Variants in TP53BP1 observed in about 807,000 individuals in gnomAD.
TP53BP1 encodes the protein tumor protein p53 binding protein 1.
A neutral mutation model predicts 200.8 loss-of-function variants in TP53BP1; 61 were observed. That is an observed-to-expected ratio of 0.30 (90% CI 0.25 to 0.38). The LOEUF is 0.38. Among genes scored for constraint, TP53BP1 ranks in the 10% least tolerant of loss-of-function variants. The pLI, the probability that TP53BP1 is intolerant of heterozygous loss-of-function variation, is 1.00. For missense variants in TP53BP1, 2,144 were observed against 2,371.9 expected (o/e 0.90, Z 2.00); for synonymous variants, 822 against 844.3 (o/e 0.97, Z 0.46).
At chr15:43,468,769 G>A (rs761837658) in intron 11 of TP53BP1, among the ~76,000 whole-genome samples, 1 of 152,174 alleles carries the variant, frequency 6.6e-6, no homozygotes, top group Non-Finnish European at 1.5e-5. Context: ...TGACTGATGA[G>A]CAAACTAAGA....
chr15:43,472,646 T>C (rs999387473), intron 10 of TP53BP1, among the ~76,000 whole-genome samples: 11 of 152,212 alleles, frequency 7.2e-5, no homozygotes, highest in South Asian at 2.1e-4. Context: ...CAAGAAACAA[T>C]TGCTGGTTCC....
intron 12 of TP53BP1, among the ~76,000 whole-genome samples, chr15:43,452,725 C>T (rs959583990): frequency 6.6e-6 from 1 of 152,046 alleles, no homozygotes; most frequent in Non-Finnish European, 1.5e-5. Flanking sequence ...ATGAAATAAA[C>T]ACGAAATCAC....
intron 12 of TP53BP1, among the ~76,000 whole-genome samples, chr15:43,451,478 T>A (rs1368403968): frequency 6.6e-6 from 1 of 152,130 alleles, no homozygotes; most frequent in East Asian, 1.9e-4. Flanking sequence ...AATGATGATT[T>A]CCAATTTCAT....
intron 24 of TP53BP1, among the ~76,000 whole-genome samples, chr15:43,410,485 T>G (rs1402523813): frequency 2.0e-5 from 3 of 152,080 alleles, no homozygotes; most frequent in Admixed American, 6.6e-5. Context: ...AGAAATTGCT[T>G]CTTTTGACCA....
At chr15:43,430,428 A>G (rs1022153979) in intron 17 of TP53BP1, among the ~76,000 whole-genome samples, 4 of 149,690 alleles carry the variant, frequency 2.7e-5, no homozygotes, top group African/African-American at 9.7e-5. Flanking sequence ...TAAAATCTGC[A>G]TAACATAAAA....
rs1443643397 is a variant in TP53BP1, at chr15:43,413,098, C to T, written c.5305+21G>A. On this transcript the variant is annotated intron_variant, in intron 24 of 27. Transcript: ENST00000382044. The stretch of plus-strand genomic sequence containing the variant: ...AGAAGTGCCTATGTGTCAGAGCTCC[C>T]AGGGCTTCCTAAGGCCTTACCCTCC... 3 of 1,613,004 alleles carry T rather than the reference C, an allele frequency of 1.9e-6. No homozygotes were observed. The East Asian group carries it at 6.7e-5, about 36-fold the overall frequency.
At chr15:43,510,203 C>T (rs1326966837) in intron 1 of TP53BP1, among the ~76,000 whole-genome samples, 1 of 151,946 alleles carries the variant, frequency 6.6e-6, no homozygotes, top group African/African-American at 2.4e-5. Context: ...ACAACAGTCT[C>T]CTGAGGGAGA....
chr15:43,481,872 C>T (rs1446036538), intron 4 of TP53BP1, among the ~76,000 whole-genome samples: 1 of 150,564 alleles, frequency 6.6e-6, no homozygotes, highest in Admixed American at 6.6e-5. Context: ...TGCAGTAGCA[C>T]GATCACAGCT....
In TP53BP1 at chr15:43,456,382, T is replaced by A. The variant is rs150423877; in HGVS notation, c.2226A>T (p.Glu742Asp). The A allele has an allele frequency of 4.0e-4, 644 of 1,606,524 alleles. No individual in the cohort carries two copies. The highest frequency in any genetic ancestry group is 3.2e-3 in the Middle Eastern group (19 of 6,028). Residue 742 changes from glutamate to aspartate, a missense_variant, in exon 12 of 28, where the codon GAA becomes GAT. Glu to Asp is a conservative substitution (Grantham distance 45). This residue lies in a region of TP53BP1 where 1,700 missense variants were observed against 1,710.3 expected (regional missense o/e 0.99). Transcript: ENST00000382044. The part of the protein sequence containing the change: ...SPQKLAILDQ[E>D]LEHKEQEAWE... ...AAGCTTCCTGTTCCTTATGTTCCAA[T>A]TCTTGGTCAAGTATTGCCAACTTTT...
chr15:43,427,702 T>A (rs1006082089), intron 18 of TP53BP1, among the ~76,000 whole-genome samples: 3 of 152,154 alleles, frequency 2.0e-5, no homozygotes, highest in African/African-American at 7.2e-5. Context: ...ATGCCTGTAA[T>A]CCCAGCACTT....
At chr15:43,492,133 G>T in intron 2 of TP53BP1, 38 bp from the exon 3 acceptor site, 1 of 1,548,742 alleles carries the variant, frequency 6.5e-7, no homozygotes, top group Middle Eastern at 1.7e-4. Flanking sequence ...CATTATATAT[G>T]AAATAGTTCA....
chr15:43,441,070 C>T (rs2045915274), intron 15 of TP53BP1, among the ~76,000 whole-genome samples: 1 of 152,144 alleles, frequency 6.6e-6, no homozygotes, highest in South Asian at 2.1e-4. Context: ...TTACAACATC[C>T]ATGACAAAGC....
chr15:43,481,180 A>G (rs1395775666), intron 4 of TP53BP1, among the ~76,000 whole-genome samples, 158 bp from the exon 5 acceptor site: 1 of 152,198 alleles, frequency 6.6e-6, no homozygotes, highest in Non-Finnish European at 1.5e-5. Flanking sequence ...AAAGCACCTA[A>G]AAGATTAACA....
chr15:43,451,270 G>A (rs1045354830), intron 12 of TP53BP1, among the ~76,000 whole-genome samples: 3 of 151,734 alleles, frequency 2.0e-5, no homozygotes, highest in African/African-American at 7.3e-5. Context: ...TGCCATGCTG[G>A]TGTGCTGCAC....
At chr15:43,416,141 AC>A in intron 22 of TP53BP1, 83 bp downstream of exon 22, 2 of 1,271,912 alleles carry the variant, frequency 1.6e-6, no homozygotes, top group Non-Finnish European at 2.2e-6. Context: ...AGTTAGGGAA[AC>A]ATTACTGACA....
intron 12 of TP53BP1, 129 bp from the exon 13 acceptor site, chr15:43,447,614 A>C: frequency 1.1e-6 from 1 of 911,622 alleles, no homozygotes; most frequent in Non-Finnish European, 1.5e-6. Flanking sequence ...TTGCTCCCAA[A>C]TTCTGTCTCA....
chr15:43,449,538 C>T (rs2046119927), intron 12 of TP53BP1, among the ~76,000 whole-genome samples: 1 of 152,212 alleles, frequency 6.6e-6, no homozygotes, highest in South Asian at 2.1e-4. Context: ...AACTGCATTA[C>T]TATAACCTAA....
Position 43,492,079 on chromosome 15 carries a change from G to C in TP53BP1, c.209C>G (p.Pro70Arg). ...ENPVLDVVSN[P>R]EQTAGEERGD... The stretch of plus-strand genomic sequence containing the variant: ...TCGTTCTTCTCCAGCTGTTTGTTCA[G>C]GATTGGACACAACATCCTAGAAAAT... The change falls in exon 3 of 28, where the codon CCT becomes CGT. Residue 70 changes from proline to arginine, a missense_variant. Around this residue, in one of 4 missense-constraint regions of TP53BP1, gnomAD observed 1,700 missense variants for 1,710.3 expected, o/e 0.99. Coordinates refer to ENST00000382044, the MANE Select transcript of TP53BP1 (RefSeq NM_001141980.3). The C allele has an allele frequency of 6.2e-7, 1 of 1,613,300 alleles. No homozygotes were observed. Among genetic ancestry groups the C allele is most frequent in the Non-Finnish European group, 8.5e-7 (1 of 1,179,354 alleles).
At chr15:43,478,647 T>A (rs191978472) in intron 7 of TP53BP1, among the ~76,000 whole-genome samples, 71 of 152,274 alleles carry the variant, frequency 4.7e-4, no homozygotes, top group Admixed American at 4.0e-3. Flanking sequence ...TCCTACCAAG[T>A]TAAGAGCCTA....
Sources: gnomAD v4.1 joint callset for allele counts (sites outside exome capture counted in the v4.1 genomes callset) on GRCh38, gnomAD v4.1.1 for gene constraint, gnomAD v4.1.1 regional missense constraint, MANE v1.5 for transcripts, NCBI Gene and HGNC (gene_info 2026-07-23, HGNC 2026-07-21) for gene names.